The following DARS2 variants were observed in gnomAD, a reference collection of about 807,000 sequenced individuals.
The protein encoded by DARS2 is aspartate--tRNA ligase, mitochondrial.
In DARS2, 63 loss-of-function variants were observed where a neutral mutation model predicts 83.0. The observed-to-expected ratio is 0.76, with a 90% CI of 0.62 to 0.94. The LOEUF (loss-of-function observed/expected upper bound fraction) is 0.94. Among genes scored for constraint, DARS2 ranks in the 40% least tolerant of loss-of-function variants. DARS2 has a pLI of 0.00. For synonymous variants in DARS2, 250 were observed against 269.3 expected (o/e 0.93, Z 0.70); for missense variants, 675 against 774.4 (o/e 0.87, Z 1.52).
At chr1:173,826,313 A>C (rs1652560377) in intron 1 of DARS2, among the ~76,000 whole-genome samples, 2 of 152,168 alleles carry the variant, frequency 1.3e-5, no homozygotes, top group Non-Finnish European at 2.9e-5. Context: ...TACTAAAGCT[A>C]AATAGTTCCT....
intron 13 of DARS2, chr1:173,852,066 G>A: frequency 1.0e-6 from 1 of 985,336 alleles, no homozygotes; most frequent in South Asian, 4.7e-5. Context: ...ATTCCTACAA[G>A]GCCTTCCTTG....
At chr1:173,848,712 T>G (rs534789939) in intron 12 of DARS2, among the ~76,000 whole-genome samples, 2 of 152,208 alleles carry the variant, frequency 1.3e-5, no homozygotes, top group African/African-American at 4.8e-5. Context: ...TTTTGCCTTC[T>G]GATTCTTTAT....
chr1:173,850,567 G>T, intron 13 of DARS2, 88 bp downstream of exon 13: 3 of 1,293,474 alleles, frequency 2.3e-6, no homozygotes, highest in South Asian at 1.3e-5. Flanking sequence ...TTGAACTGTA[G>T]ACTGTTAATT....
At position 173,853,879 on chromosome 1, in the gene DARS2, C is replaced by T. The variant is rs1277759672; in HGVS notation, c.1648C>T (p.Arg550Cys). Residue 550 changes from arginine to cysteine, a missense_variant, in exon 15 of 17, where the codon CGT becomes TGT. By Grantham distance (180) the Arg-to-Cys change is radical. Transcript: ENST00000649689. ...TCGAATTCACAATGCAGAGCTGCAG[C>T]GTTATATCCTGGCAACCTTACTAAA... ...SIRIHNAELQ[R>C]YILATLLKED... The T allele has an allele frequency of 2.5e-6, 4 of 1,613,920 alleles. No homozygotes were observed. The highest frequency in any genetic ancestry group is 1.3e-5 in the African/African-American group (1 of 74,914).
rs202232688 is a variant in DARS2, at chr1:173,826,759, C to T, written c.200C>T (p.Thr67Ile). Residue 67 changes from threonine to isoleucine, a missense_variant, in exon 2 of 17, where the codon ACC becomes ATC. By Grantham distance (89) the Thr-to-Ile change is moderately conservative. Coordinates refer to ENST00000649689, the MANE Select transcript of DARS2 (RefSeq NM_018122.5). The part of the protein sequence containing the change: ...LRSSHLGQEV[T>I]LCGWIQYRRQ... ...TCGTCTCACTTAGGCCAAGAAGTCACCTTGTGTGGATGGATTCAGTACCGA... is the reference window on the plus strand; with the variant it reads ...TCGTCTCACTTAGGCCAAGAAGTCATCTTGTGTGGATGGATTCAGTACCGA... The T allele has an allele frequency of 6.2e-6, 10 of 1,613,140 alleles. No individual in the cohort carries two copies. The South Asian group carries it at 8.8e-5, about 14-fold the overall frequency.
chr1:173,844,948 CATACCAGACTA>C (rs1197665443), intron 11 of DARS2, among the ~76,000 whole-genome samples: 4 of 151,266 alleles, frequency 2.6e-5, no homozygotes, highest in Non-Finnish European at 5.9e-5. Context: ...CACCTGCCAC[CATACCAGACTA>C]ATTTTTGTAT....
intron 2 of DARS2, 21 bp from the exon 3 acceptor site, chr1:173,828,312 T>G: frequency 6.4e-7 from 1 of 1,551,340 alleles, no homozygotes; most frequent in African/African-American, 1.4e-5. Context: ...AATGTTTCTT[T>G]TCCCCCCCCC....
At chr1:173,855,887 C>T (rs962408899) in intron 15 of DARS2, among the ~76,000 whole-genome samples, 13 of 151,740 alleles carry the variant, frequency 8.6e-5, no homozygotes, top group African/African-American at 3.2e-4. Flanking sequence ...TCTTGAACCC[C>T]CAATCTCAGG....
chr1:173,825,376 C>G lies in DARS2; in HGVS notation c.127+20C>G, dbSNP rs762107170. The G allele has an allele frequency of 6.2e-7, 1 of 1,610,110 alleles. No homozygotes were observed. Among genetic ancestry groups the G allele is most frequent in the Non-Finnish European group, 8.5e-7 (1 of 1,177,568 alleles). On this transcript the variant is annotated intron_variant, in intron 1 of 16. Transcript: ENST00000649689. ...TTCCAGGTGAAAATAGCGAAGAGAT[C>G]TATCCTATGAACAGTACTTCAGCCT...
Position 173,841,233 on chromosome 1 carries a change from C to T in DARS2, c.1128+260C>T, listed in dbSNP as rs141768848. 1.5e-4 allele frequency among the ~76,000 whole-genome samples: 22 copies of T among 150,928 alleles called. 1 individual carries two copies. Among genetic ancestry groups the T allele is most frequent in the African/African-American group, 5.1e-4 (21 of 41,378 alleles). The stretch of plus-strand genomic sequence containing the variant: ...CTACTAAAAAATACAAAAAATTAGT[C>T]AGGCGTGGTGGCATGTGCCTGTAAT... On this transcript the variant is annotated intron_variant, in intron 11 of 16. Coordinates refer to ENST00000649689, the MANE Select transcript of DARS2 (RefSeq NM_018122.5).
In DARS2 at chr1:173,837,048, T is replaced by A; in HGVS notation, c.770+2T>A. 3.1e-6 allele frequency: 5 copies of A among 1,612,118 alleles called. No homozygotes were observed. The highest frequency in any genetic ancestry group is 3.4e-6 in the Non-Finnish European group (4 of 1,178,312). ...TCTGATGGTTGGCGGTTTAGACAGG[T>A]GAGCTTTTTTTATGCTAGCAGTTGT... On this transcript the variant is annotated splice_donor_variant, in intron 8 of 16. Transcript: ENST00000649689. LOFTEE classifies it high-confidence loss of function.
chr1:173,843,557 C>T (rs879296710), intron 11 of DARS2, among the ~76,000 whole-genome samples: 2 of 151,756 alleles, frequency 1.3e-5, no homozygotes, highest in Non-Finnish European at 2.9e-5. Flanking sequence ...GAGACTCCCT[C>T]TCAAAAAAAA....
At chr1:173,848,021 TTTTTTGTA>T (rs1653508304) in intron 12 of DARS2, among the ~76,000 whole-genome samples, 1 of 151,924 alleles carries the variant, frequency 6.6e-6, no homozygotes, top group East Asian at 1.9e-4. Flanking sequence ...CCCGGCTAAT[TTTTTTGTA>T]TTTTTACTAG....
intron 10 of DARS2, among the ~76,000 whole-genome samples, chr1:173,840,215 C>T (rs766977449): frequency 2.0e-5 from 3 of 152,140 alleles, no homozygotes; most frequent in Non-Finnish European, 2.9e-5. Context: ...CTTGTTTCTT[C>T]GTTTGTAATA....
intron 13 of DARS2, among the ~76,000 whole-genome samples, chr1:173,851,275 T>C (rs1320995005): frequency 6.6e-6 from 1 of 151,714 alleles, no homozygotes; most frequent in Non-Finnish European, 1.5e-5. Context: ...GGGTTTTTTT[T>C]CATAGCTACC....
At chr1:173,836,103 C>G (rs921899895) in intron 7 of DARS2, among the ~76,000 whole-genome samples, 2 of 151,934 alleles carry the variant, frequency 1.3e-5, no homozygotes, top group African/African-American at 4.8e-5. Context: ...ACCCATAATC[C>G]CAGCTACTTG....
chr1:173,842,321 G>T (rs1467846174), intron 11 of DARS2, among the ~76,000 whole-genome samples: 1 of 39,404 alleles, frequency 2.5e-5, no homozygotes, highest in African/African-American at 1.0e-4. Context: ...TTTTTTTAGA[G>T]TGAGTCTTGC....
At chr1:173,844,526 C>T (rs1435402284) in intron 11 of DARS2, among the ~76,000 whole-genome samples, 2 of 151,422 alleles carry the variant, frequency 1.3e-5, no homozygotes, top group Non-Finnish European at 1.5e-5. Flanking sequence ...AAAAATTAGC[C>T]AGGTGTGGTG....
chr1:173,834,732 GTTTTTTTTTTT>G, intron 7 of DARS2, among the ~76,000 whole-genome samples: 6 of 21,680 alleles, frequency 2.8e-4, no homozygotes, highest in Admixed American at 1.9e-3. Flanking sequence ...GAGTTTTTTT[GTTTTTTTTTTT>G]TTTTTTTTTT....
Sources: allele counts gnomAD v4.1 joint callset (sites outside exome capture counted in the v4.1 genomes callset), GRCh38; gene constraint gnomAD v4.1.1; transcripts MANE v1.5; gene names NCBI Gene and HGNC (gene_info 2026-07-23, HGNC 2026-07-21).